Variants in FRMPD4 observed in about 807,000 individuals in gnomAD.
FRMPD4 encodes FERM and PDZ domain-containing protein 4.
A neutral mutation model predicts 94.1 loss-of-function variants in FRMPD4; 22 were observed. That is an observed-to-expected ratio of 0.23 (90% CI 0.17 to 0.33). FRMPD4 has a LOEUF of 0.33. Among genes scored for constraint, FRMPD4 ranks in the 10% least tolerant of loss-of-function variants. FRMPD4 has a pLI of 1.00. For synonymous variants in FRMPD4, 631 were observed against 548.6 expected (o/e 1.15, Z -2.10); for missense variants, 1,111 against 1,339.9 (o/e 0.83, Z 2.67).
At chrX:12,311,991 T>C (rs2055037899) in intron 1 of FRMPD4, among the ~76,000 whole-genome samples, 1 of 110,753 alleles carries the variant, frequency 9.0e-6, no homozygotes, top group Non-Finnish European at 1.9e-5. Flanking sequence ...CTCTCTTCAA[T>C]ACTCTTTAGT....
At chrX:12,715,857 C>CA (rs1474750800) in intron 14 of FRMPD4, among the ~76,000 whole-genome samples, 2 of 112,080 alleles carry the variant, frequency 1.8e-5, no homozygotes, top group African/African-American at 6.5e-5. Flanking sequence ...TATGCAGTAT[C>CA]AATTTTGTTA....
At chrX:12,439,032 G>A (rs1048598652) in intron 1 of FRMPD4, among the ~76,000 whole-genome samples, 6 of 110,895 alleles carry the variant, frequency 5.4e-5, no homozygotes, top group African/African-American at 9.8e-5. Context: ...AAGTTTAGAT[G>A]ACAGAGGTAG....
chrX:12,419,354 GATCT>G (rs1228093006), intron 1 of FRMPD4, among the ~76,000 whole-genome samples: 4 of 112,116 alleles, frequency 3.6e-5, no homozygotes, highest in African/African-American at 9.7e-5. Flanking sequence ...GTATTAAAGA[GATCT>G]ATCTGCAAAA....
At chrX:12,562,697 C>T (rs1220296872) in intron 2 of FRMPD4, among the ~76,000 whole-genome samples, 2 of 112,761 alleles carry the variant, frequency 1.8e-5, no homozygotes, top group Non-Finnish European at 1.9e-5. Flanking sequence ...AGACCCAGAG[C>T]GCTTTCTACT....
intron 1 of FRMPD4, among the ~76,000 whole-genome samples, chrX:12,302,876 T>C (rs751589204): frequency 1.2e-3 from 136 of 112,246 alleles, no homozygotes; most frequent in African/African-American, 4.4e-3. Flanking sequence ...AACTCAAATT[T>C]TCCATCACAA....
chrX:11,848,506 C>T (rs1228528063), intron 1 of FRMPD4, among the ~76,000 whole-genome samples: 1 of 104,145 alleles, frequency 9.6e-6, no homozygotes, highest in South Asian at 4.1e-4. Context: ...CTTCCCCAGC[C>T]TGTGTTTTTT....
chrX:12,438,949 G>A (rs770512327), intron 1 of FRMPD4, among the ~76,000 whole-genome samples: 35 of 111,225 alleles, frequency 3.1e-4, no homozygotes, highest in Non-Finnish European at 5.3e-4. Flanking sequence ...ACCTTTCCAC[G>A]TGTCTTCCGA....
chrX:12,268,020 A>G lies in FRMPD4; in HGVS notation c.41+129008A>G, dbSNP rs181400655. 1.9e-3 allele frequency among the ~76,000 whole-genome samples: 215 copies of G among 112,680 alleles called. 2 individuals are homozygous for G. Among genetic ancestry groups the G allele is most frequent in the African/African-American group, 6.2e-3 (194 of 31,064 alleles). ...TTCACTCACATCCCTTACTTACGCA[A>G]TTTGGACAGGGTGGTCTAACTCTGC... On this transcript the variant is annotated intron_variant, in intron 1 of 16. Coordinates refer to ENST00000675598, the MANE Select transcript of FRMPD4 (RefSeq NM_001368397.1).
intron 1 of FRMPD4, among the ~76,000 whole-genome samples, chrX:11,857,687 C>T (rs1048821735): frequency 3.6e-5 from 4 of 112,564 alleles, no homozygotes; most frequent in African/African-American, 1.3e-4. Context: ...TAAAAGCAAT[C>T]GCAACAAAAG....
At chrX:11,850,715 G>A (rs1258097549) in intron 1 of FRMPD4, among the ~76,000 whole-genome samples, 1 of 112,328 alleles carries the variant, frequency 8.9e-6, no homozygotes, top group Non-Finnish European at 1.9e-5. Context: ...AAAAAGACAA[G>A]TATTGTATGA....
intron 1 of FRMPD4, among the ~76,000 whole-genome samples, chrX:12,478,274 G>A (rs1280967841): frequency 9.0e-6 from 1 of 111,728 alleles, no homozygotes; most frequent in Non-Finnish European, 1.9e-5. Flanking sequence ...GGAAGGACAG[G>A]CCCTAAGAAA....
At chrX:12,507,742 G>T (rs1197234819) in intron 2 of FRMPD4, among the ~76,000 whole-genome samples, 1 of 111,953 alleles carries the variant, frequency 8.9e-6, no homozygotes, top group Non-Finnish European at 1.9e-5. Flanking sequence ...TGCAGTTCTT[G>T]CATAGCTCTG....
At chrX:12,426,167 C>A (rs1374086747) in intron 1 of FRMPD4, among the ~76,000 whole-genome samples, 1 of 111,925 alleles carries the variant, frequency 8.9e-6, no homozygotes, top group Non-Finnish European at 1.9e-5. Flanking sequence ...GGGATTGATC[C>A]CTCTTTCTGG....
chrX:12,656,718 G>A (rs1253562318), intron 4 of FRMPD4, among the ~76,000 whole-genome samples: 2 of 112,283 alleles, frequency 1.8e-5, no homozygotes, highest in Non-Finnish European at 1.9e-5. Context: ...TTGGAAAGGA[G>A]CATGGGGGCT....
chrX:12,560,506 A>G (rs1473740163), intron 2 of FRMPD4, among the ~76,000 whole-genome samples: 1 of 108,336 alleles, frequency 9.2e-6, no homozygotes, highest in Middle Eastern at 4.7e-3. Flanking sequence ...AAACCCAGCA[A>G]CCAGCAATGG....
intron 2 of FRMPD4, among the ~76,000 whole-genome samples, chrX:11,868,736 A>T (rs1444713427): frequency 5.3e-5 from 6 of 112,421 alleles, no homozygotes; most frequent in Non-Finnish European, 1.1e-4. Flanking sequence ...CCGGTCTCTG[A>T]CATTATTCAT....
chrX:12,542,856 A>C (rs1320986836), intron 2 of FRMPD4, among the ~76,000 whole-genome samples: 1 of 112,327 alleles, frequency 8.9e-6, no homozygotes, highest in East Asian at 2.8e-4. Flanking sequence ...AGGCTACAGT[A>C]ACCAAAACAG....
chrX:12,340,796 G>A (rs2055601094), intron 1 of FRMPD4, among the ~76,000 whole-genome samples: 1 of 111,721 alleles, frequency 9.0e-6, no homozygotes. Flanking sequence ...GTTGCTCCAC[G>A]TTTTACAAAT....
chrX:12,424,001 A>C (rs1031385844), intron 1 of FRMPD4, among the ~76,000 whole-genome samples: 1 of 112,662 alleles, frequency 8.9e-6, no homozygotes. Flanking sequence ...AAGCTTTCAA[A>C]ATAAAACATA....
Sources: allele counts gnomAD v4.1 joint callset (sites outside exome capture counted in the v4.1 genomes callset), GRCh38; gene constraint gnomAD v4.1.1; transcripts MANE v1.5; gene names NCBI Gene and HGNC (gene_info 2026-07-23, HGNC 2026-07-21).